Variants in COPS4 observed in about 807,000 individuals in gnomAD.
COPS4 encodes COP9 signalosome complex subunit 4.
A neutral mutation model predicts 55.1 loss-of-function variants in COPS4; 8 were observed. The ratio of observed to expected loss-of-function variants is 0.15; its 90% CI spans 0.09 to 0.26. The LOEUF is 0.26. Ranked by LOEUF, COPS4 falls within the 10% of genes least tolerant of loss-of-function variation. COPS4 has a pLI of 1.00. For missense variants in COPS4, 248 were observed against 484.0 expected (o/e 0.51, Z 4.58); for synonymous variants, 185 against 165.7 (o/e 1.12, Z -0.90).
intron 8 of COPS4, 36 bp from the exon 9 acceptor site, chr4:83,068,402 G>T: frequency 7.2e-7 from 1 of 1,391,058 alleles, no homozygotes. Context: ...TAAAAGATAT[G>T]ATAAAGTTTC....
chr4:83,062,428 T>TG (rs1731182625), intron 6 of COPS4, among the ~76,000 whole-genome samples: 1 of 152,232 alleles, frequency 6.6e-6, no homozygotes, highest in Non-Finnish European at 1.5e-5. Context: ...AGTCAATACT[T>TG]GCAGCACTTC....
intron 4 of COPS4, among the ~76,000 whole-genome samples, chr4:83,054,636 T>C (rs1730971374): frequency 6.6e-6 from 1 of 152,242 alleles, no homozygotes; most frequent in Non-Finnish European, 1.5e-5. Flanking sequence ...TCTTGATTGC[T>C]TTGGTCTTAT....
intron 7 of COPS4, among the ~76,000 whole-genome samples, chr4:83,064,623 C>T (rs900586542): frequency 4.6e-5 from 7 of 151,988 alleles, no homozygotes; most frequent in East Asian, 3.9e-4. Context: ...TAGTTACAGT[C>T]GTGCTCTGTT....
At chr4:83,067,616 G>A (rs544351838) in intron 8 of COPS4, among the ~76,000 whole-genome samples, 100 of 150,310 alleles carry the variant, frequency 6.7e-4, no homozygotes, top group African/African-American at 2.2e-3. Context: ...CTCCTGCTTC[G>A]GCCTCCCAAA....
chr4:83,072,650 G>T (rs555790509), intron 9 of COPS4, among the ~76,000 whole-genome samples: 4 of 150,254 alleles, frequency 2.7e-5, no homozygotes, highest in Non-Finnish European at 4.4e-5. Context: ...TGGTCTAGTT[G>T]TTTTTTTCTA....
chr4:83,063,183 G>A lies in COPS4; in HGVS notation c.823G>A (p.Gly275Arg). The A allele has an allele frequency of 6.2e-7, 1 of 1,611,992 alleles. No individual in the cohort carries two copies. Among genetic ancestry groups the A allele is most frequent in the Non-Finnish European group, 8.5e-7 (1 of 1,179,382 alleles). Reference protein sequence around the residue: ...EKMYLDRIIRGNQLQEFAAML... With the variant: ...EKMYLDRIIRRNQLQEFAAML... ...AATGTATCTAGATAGGATCATCAGA[G>A]GAAATCAACTTCAAGAATTTGCTGC... Residue 275 changes from glycine to arginine, a missense_variant, in exon 7 of 10, where the codon GGA (glycine) becomes AGA (arginine). Physicochemically the swap from Gly to Arg is moderately radical, Grantham distance 125 (BLOSUM62 -2). Coordinates refer to ENST00000264389, the MANE Select transcript of COPS4 (RefSeq NM_016129.3).
chr4:83,066,576 T>C lies in COPS4; in HGVS notation c.1002+23T>C, dbSNP rs368284608. On this transcript the variant is annotated intron_variant, in intron 8 of 9. Transcript: ENST00000264389. ...AAGGTATCTTCTTGATTCCAATACA[T>C]TTAAAAAAAAGTTAAGAGATGAAAC... 4.8e-4 allele frequency: 571 copies of C among 1,179,620 alleles called. 1 individual carries two copies. The highest frequency in any genetic ancestry group is 6.1e-4 in the Admixed American group (26 of 42,886). 73.1% of individuals were successfully genotyped at this position (1,179,620 alleles called of 1,614,324 possible). A position where few individuals can be genotyped will look rare whatever the true frequency, so the allele number is the denominator to read the frequency against.
Position 83,073,940 on chromosome 4 carries a change from GA to G in COPS4, c.1088-1356del, listed in dbSNP as rs1377544791. 5.5e-5 allele frequency among the ~76,000 whole-genome samples: 8 copies of G among 146,370 alleles called. No homozygotes were observed. In the South Asian group the frequency reaches 6.6e-4, roughly 12 times the overall value. On this transcript the variant is annotated intron_variant, in intron 9 of 9. Coordinates refer to ENST00000264389, the MANE Select transcript of COPS4 (RefSeq NM_016129.3). Reference sequence around the variant, plus strand: ...CCACTGCACTCCAGCCCAGATGACAGAGTGAGACTCCGTCTCAAAAAAAAAA... The same window carrying G: ...CCACTGCACTCCAGCCCAGATGACAGGTGAGACTCCGTCTCAAAAAAAAAA...
At chr4:83,044,799 C>T (rs888590732) in intron 1 of COPS4, among the ~76,000 whole-genome samples, 3 of 151,974 alleles carry the variant, frequency 2.0e-5, no homozygotes, top group Non-Finnish European at 2.9e-5. Context: ...ACAACAACAA[C>T]AAAAGAATAG....
At chr4:83,044,144 T>G (rs1333096401) in intron 1 of COPS4, among the ~76,000 whole-genome samples, 3 of 152,168 alleles carry the variant, frequency 2.0e-5, no homozygotes, top group African/African-American at 7.2e-5. Context: ...ATTTAGTGCT[T>G]TTAAAAAATA....
intron 6 of COPS4, among the ~76,000 whole-genome samples, chr4:83,059,729 C>G (rs1731108877): frequency 6.6e-6 from 1 of 151,428 alleles, no homozygotes; most frequent in African/African-American, 2.4e-5. Flanking sequence ...CGGAGTCTCA[C>G]TCTGTTGCCC....
At chr4:83,061,467 A>C (rs1731163224) in intron 6 of COPS4, among the ~76,000 whole-genome samples, 1 of 152,204 alleles carries the variant, frequency 6.6e-6, no homozygotes, top group South Asian at 2.1e-4. Context: ...GCTCAAATTT[A>C]TGAAATTTAT....
At chr4:83,044,142 C>G (rs1213643050) in intron 1 of COPS4, among the ~76,000 whole-genome samples, 1 of 152,118 alleles carries the variant, frequency 6.6e-6, no homozygotes, top group Non-Finnish European at 1.5e-5. Flanking sequence ...GTATTTAGTG[C>G]TTTTAAAAAA....
chr4:83,061,504 T>C (rs1158864555), intron 6 of COPS4, among the ~76,000 whole-genome samples: 2 of 152,234 alleles, frequency 1.3e-5, no homozygotes, highest in Non-Finnish European at 2.9e-5. Flanking sequence ...ATTTGTACTT[T>C]CTTCATTTTC....
chr4:83,035,405 C>CGTCA, intron 1 of COPS4, 107 bp downstream of exon 1: 2 of 956,622 alleles, frequency 2.1e-6, no homozygotes, highest in Non-Finnish European at 3.0e-6. Flanking sequence ...AGGAGCCGGC[C>CGTCA]TGACGTCCAA....
At chr4:83,040,229 T>TTTATG (rs1730525195) in intron 1 of COPS4, among the ~76,000 whole-genome samples, 1 of 152,214 alleles carries the variant, frequency 6.6e-6, no homozygotes, top group East Asian at 1.9e-4. Context: ...CCTGGTCTGT[T>TTTATG]GCTGAAACTT....
intron 4 of COPS4, among the ~76,000 whole-genome samples, chr4:83,053,336 G>C (rs145271047): frequency 6.6e-6 from 1 of 152,332 alleles, no homozygotes; most frequent in Non-Finnish European, 1.5e-5. Context: ...GACAGCAAGA[G>C]AGGGACAAGG....
intron 2 of COPS4, among the ~76,000 whole-genome samples, chr4:83,047,240 A>G (rs1221365210): frequency 6.6e-6 from 1 of 152,224 alleles, no homozygotes; most frequent in Non-Finnish European, 1.5e-5. Context: ...AATGCTTTTT[A>G]TAACTTTGAT....
At chr4:83,040,731 T>C in intron 1 of COPS4, among the ~76,000 whole-genome samples, 1 of 151,020 alleles carries the variant, frequency 6.6e-6, no homozygotes, top group East Asian at 2.0e-4. Context: ...TACATTTTTT[T>C]TTTCATTTCT....
Sources: allele counts gnomAD v4.1 joint callset (sites outside exome capture counted in the v4.1 genomes callset), GRCh38; gene constraint gnomAD v4.1.1; transcripts MANE v1.5; gene names NCBI Gene and HGNC (gene_info 2026-07-23, HGNC 2026-07-21).